The following CNTNAP2 variants were observed in gnomAD, a reference collection of about 807,000 sequenced individuals.
CNTNAP2 encodes contactin associated protein 2.
In CNTNAP2, 98 loss-of-function variants were observed where a neutral mutation model predicts 155.2. That is an observed-to-expected ratio of 0.63 (90% CI 0.54 to 0.75). CNTNAP2 has a LOEUF of 0.75. CNTNAP2 is among the 30% of genes least tolerant of loss of function. The pLI is 0.00. For missense variants in CNTNAP2, 1,727 were observed against 1,688.1 expected (o/e 1.02, Z -0.40); for synonymous variants, 651 against 631.2 (o/e 1.03, Z -0.47).
intron 4 of CNTNAP2, among the ~76,000 whole-genome samples, chr7:147,051,827 G>A (rs1463122922): frequency 6.6e-6 from 1 of 151,988 alleles, no homozygotes; most frequent in African/African-American, 2.4e-5. Context: ...AATCTTAAGT[G>A]CAAATCTGAC....
intron 10 of CNTNAP2, among the ~76,000 whole-genome samples, chr7:147,437,071 A>G (rs1157520227): frequency 6.6e-6 from 1 of 151,890 alleles, no homozygotes. Context: ...TGCTAAGGCC[A>G]TCTTGGTCTC....
At chr7:146,302,152 AAAGT>A (rs1330320936) in intron 1 of CNTNAP2, among the ~76,000 whole-genome samples, 4 of 152,212 alleles carry the variant, frequency 2.6e-5, no homozygotes, top group East Asian at 1.9e-4. Context: ...AAGCAAAAAG[AAAGT>A]AAGGCATCAT....
intron 11 of CNTNAP2, among the ~76,000 whole-genome samples, chr7:147,513,579 G>A (rs1002389313): frequency 1.3e-5 from 2 of 152,218 alleles, no homozygotes; most frequent in African/African-American, 2.4e-5. Flanking sequence ...TTTAACCACA[G>A]TAATTACACT....
intron 13 of CNTNAP2, among the ~76,000 whole-genome samples, chr7:147,783,048 A>G (rs939259398): frequency 6.6e-6 from 1 of 152,246 alleles, no homozygotes; most frequent in Non-Finnish European, 1.5e-5. Flanking sequence ...ATTCACAGCC[A>G]TTCTAATATT....
At position 146,839,793 on chromosome 7, in the gene CNTNAP2, C is replaced by G; in HGVS notation, c.291C>G (p.Ala97=). The G allele has an allele frequency of 6.2e-7, 1 of 1,614,152 alleles. No individual in the cohort carries two copies. The highest frequency in any genetic ancestry group is 1.1e-5 in the South Asian group (1 of 91,086). ...TTGGCAATCGGAAGCAGATCAGTGC[C>G]ATTGCAACCCAAGGAAGGTATAGCA... ...VDFGNRKQIS[A]IATQGRYSSS... Residue 97 remains alanine (A), a synonymous_variant, in exon 3 of 24, where the codon GCC becomes GCG. Transcript: ENST00000361727.
chr7:146,297,019 A>G (rs1293894597), intron 1 of CNTNAP2, among the ~76,000 whole-genome samples: 2 of 151,822 alleles, frequency 1.3e-5, no homozygotes, highest in Non-Finnish European at 2.9e-5. Flanking sequence ...ATTAATAGAA[A>G]CAATAGAAAC....
intron 3 of CNTNAP2, among the ~76,000 whole-genome samples, chr7:146,942,157 C>T (rs1293905364): frequency 6.6e-6 from 1 of 151,836 alleles, no homozygotes; most frequent in Non-Finnish European, 1.5e-5. Flanking sequence ...GATGTTGTCT[C>T]ATAATTCTTA....
intron 18 of CNTNAP2, among the ~76,000 whole-genome samples, chr7:148,180,204 A>G (rs889251893): frequency 1.3e-5 from 2 of 152,312 alleles, no homozygotes; most frequent in African/African-American, 4.8e-5. Flanking sequence ...CTTTCACATC[A>G]GTAGGGAGAG....
chr7:146,992,598 A>G (rs2129239094), intron 3 of CNTNAP2, among the ~76,000 whole-genome samples: 1 of 152,216 alleles, frequency 6.6e-6, no homozygotes. Flanking sequence ...AATGGAAAGA[A>G]CTTACCGGCT....
Position 147,715,853 on chromosome 7 carries a change from AT to A in CNTNAP2, c.2098+76552del, listed in dbSNP as rs1796475419. ...AGCTGCGCACTTACATCTATGGTCC[AT>A]TTTTAGTTGATTTTTGTATAAGGTG... On this transcript the variant is annotated intron_variant, in intron 13 of 23. Coordinates refer to ENST00000361727, the MANE Select transcript of CNTNAP2 (RefSeq NM_014141.6). Among the ~76,000 whole-genome samples, 4 of 152,118 alleles carry A rather than the reference AT, an allele frequency of 2.6e-5. No homozygotes were observed. In the South Asian group the frequency reaches 8.3e-4, roughly 31 times the overall value.
intron 10 of CNTNAP2, among the ~76,000 whole-genome samples, chr7:147,420,364 T>C (rs902053545): frequency 2.6e-5 from 4 of 152,182 alleles, no homozygotes; most frequent in Admixed American, 2.0e-4. Flanking sequence ...TTGGTGACAT[T>C]AAAGTTAATT....
chr7:146,385,975 T>C (rs918429910), intron 1 of CNTNAP2, among the ~76,000 whole-genome samples: 1 of 152,136 alleles, frequency 6.6e-6, no homozygotes, highest in Non-Finnish European at 1.5e-5. Context: ...ACAAGTAGTT[T>C]AAAATCAGAT....
chr7:147,793,128 T>C (rs1481884503), intron 13 of CNTNAP2, among the ~76,000 whole-genome samples: 1 of 152,166 alleles, frequency 6.6e-6, no homozygotes, highest in Non-Finnish European at 1.5e-5. Context: ...ATTTATCATC[T>C]GTGTGTTGTC....
intron 1 of CNTNAP2, among the ~76,000 whole-genome samples, chr7:146,360,377 A>G (rs73162174): frequency 0.089 from 13,550 of 152,230 alleles, 1,267 homozygotes; most frequent in African/African-American, 0.24. Flanking sequence ...ATGAGCATCT[A>G]CTACTACTGT....
At chr7:147,135,882 T>C (rs991171752) in intron 8 of CNTNAP2, among the ~76,000 whole-genome samples, 1 of 151,666 alleles carries the variant, frequency 6.6e-6, no homozygotes, top group Non-Finnish European at 1.5e-5. Flanking sequence ...ATTTGAAGTG[T>C]TGGAATTTTT....
chr7:148,238,384 G>A (rs963776455), intron 20 of CNTNAP2, among the ~76,000 whole-genome samples: 3 of 152,146 alleles, frequency 2.0e-5, no homozygotes, highest in Non-Finnish European at 2.9e-5. Flanking sequence ...TAAGGTCCCA[G>A]TGCTCACAAG....
intron 8 of CNTNAP2, among the ~76,000 whole-genome samples, chr7:147,214,274 C>T (rs377560558): frequency 3.8e-4 from 58 of 152,182 alleles, no homozygotes; most frequent in East Asian, 1.4e-3. Flanking sequence ...AAACACCATA[C>T]GGTGAGACAG....
At chr7:147,543,388 T>A (rs1799672994) in intron 11 of CNTNAP2, among the ~76,000 whole-genome samples, 1 of 152,184 alleles carries the variant, frequency 6.6e-6, no homozygotes, top group African/African-American at 2.4e-5. Flanking sequence ...TTAGGGCCAT[T>A]ATGAACATGT....
intron 11 of CNTNAP2, among the ~76,000 whole-genome samples, chr7:147,547,380 G>A (rs1167666571): frequency 6.6e-6 from 1 of 152,014 alleles, no homozygotes; most frequent in Admixed American, 6.6e-5. Context: ...AGCCACTAAT[G>A]CTGCGGTTGC....
Sources: gnomAD v4.1 joint callset for allele counts (sites outside exome capture counted in the v4.1 genomes callset) on GRCh38, gnomAD v4.1.1 for gene constraint, MANE v1.5 for transcripts, NCBI Gene and HGNC (gene_info 2026-07-23, HGNC 2026-07-21) for gene names.